The following BRCA1 variants were observed in gnomAD, a reference collection of about 807,000 sequenced individuals.
BRCA1 encodes the protein BRCA1 DNA repair associated, also known as breast cancer type 1 susceptibility protein.
Under a neutral mutation model 173.7 loss-of-function variants are expected in BRCA1, and 140 were observed. The observed-to-expected ratio is 0.81, with a 90% CI of 0.70 to 0.93. The LOEUF is 0.93. BRCA1 is among the 40% of genes least tolerant of loss of function. The pLI, the probability that BRCA1 is intolerant of heterozygous loss-of-function variation, is 0.00. For missense variants in BRCA1, 1,983 were observed against 2,172.5 expected (o/e 0.91, Z 1.73); for synonymous variants, 662 against 756.0 (o/e 0.88, Z 2.04).
At chr17:43,167,492 T>C (rs1206218656) in intron 1 of BRCA1, 1 of 152,112 alleles carries the variant, frequency 6.6e-6, no homozygotes, top group East Asian at 1.9e-4. Flanking sequence ...AGGAAAGGCA[T>C]TGTCACAGTG....
intron 10 of BRCA1, 131 bp from the exon 11 acceptor site, chr17:43,091,163 T>C (rs2053454879): frequency 3.0e-6 from 3 of 1,006,948 alleles, no homozygotes; most frequent in Admixed American, 4.0e-5. Context: ...ATTCCTTGCT[T>C]TGGGACACCT....
At chr17:43,059,060 TTGTCAGAAGACTCCCA>T (rs1458869859) in intron 18 of BRCA1, among the ~76,000 whole-genome samples, 1 of 152,170 alleles carries the variant, frequency 6.6e-6, no homozygotes, top group Non-Finnish European at 1.5e-5. Context: ...AGTGATAAAT[TTGTCAGAAGACTCCCA>T]TGTTCATAGT....
intron 6 of BRCA1, among the ~76,000 whole-genome samples, chr17:43,100,680 T>TATATATAACATATATATATATATATATA (rs2054419480): frequency 4.5e-4 from 5 of 11,068 alleles, no homozygotes; most frequent in Admixed American, 3.0e-3. Flanking sequence ...ATATATATAA[T>TATATATAACATATATATATATATATATA]ATATATATAT....
intron 22 of BRCA1, among the ~76,000 whole-genome samples, 159 bp downstream of exon 22, chr17:43,047,484 C>CAAATAACAAT (rs1358944646): frequency 6.6e-6 from 1 of 152,152 alleles, no homozygotes; most frequent in Non-Finnish European, 1.5e-5. Context: ...CAATATAAAA[C>CAAATAACAAT]AAATAACAAT....
rs1034688600 is a variant in BRCA1, at chr17:43,047,574, G to T, written c.5467+69C>A. On this transcript the variant is annotated intron_variant, in intron 22 of 22. Transcript: ENST00000357654. ...CAAGAACTGTGCTACTCAAGCACCAGGTAATGAGTGATAAACCAAACCCAT... is the reference window on the plus strand; with the variant it reads ...CAAGAACTGTGCTACTCAAGCACCATGTAATGAGTGATAAACCAAACCCAT... 14 of 1,478,640 alleles carry T rather than the reference G, an allele frequency of 9.5e-6. No individual in the cohort carries two copies. In the African/African-American group the frequency reaches 1.1e-4, roughly 12 times the overall value. 91.6% of individuals were successfully genotyped at this position (1,478,640 alleles called of 1,614,324 possible). A position where few individuals can be genotyped will look rare whatever the true frequency, so the allele number is the denominator to read the frequency against.
In BRCA1 at chr17:43,094,047, T is replaced by G. The variant is rs1567799498; in HGVS notation, c.1484A>C (p.Glu495Ala). 1 of 1,614,090 alleles carries G rather than the reference T, an allele frequency of 6.2e-7. No homozygotes were observed. Among genetic ancestry groups the G allele is most frequent in the East Asian group, 2.2e-5 (1 of 44,872 alleles). The change falls in exon 10 of 23, where the codon GAG becomes GCG. Residue 495 changes from glutamate (E) to alanine (A), a missense_variant. Physicochemically the swap from Glu to Ala is moderately radical, Grantham distance 107 (BLOSUM62 -1). Transcript: ENST00000357654. ...AFVTEPQIIQ[E>A]RPLTNKLKRK... is the part of the protein sequence containing the mutation. ...CTTTAATTTATTTGTGAGGGGACGC[T>G]CTTGTATTATCTGTGGCTCAGTAAC... is the stretch of plus-strand genomic sequence containing the variant.
Position 43,093,445 on chromosome 17 carries a change from T to C in BRCA1, c.2086A>G (p.Thr696Ala), listed in dbSNP as rs80357441. The C allele has an allele frequency of 6.2e-7, 1 of 1,614,090 alleles. No homozygotes were observed. The highest frequency in any genetic ancestry group is 1.1e-5 in the South Asian group (1 of 91,082). The change falls in exon 10 of 23, where the codon ACT (threonine) becomes GCT (alanine). Residue 696 changes from threonine (T) to alanine (A), a missense_variant. Transcript: ENST00000357654. ...EQTSKRHDSD[T>A]FPELKLTNAP... ...TTTGTTAACTTCAGCTCTGGGAAAG[T>C]ATCGCTGTCATGTCTTTTACTTGTC...
chr17:43,129,882 A>G (rs1488892124), upstream of BRCA1, among the ~76,000 whole-genome samples: 1 of 152,206 alleles, frequency 6.6e-6, no homozygotes, highest in Non-Finnish European at 1.5e-5. Flanking sequence ...TGGTGAATTG[A>G]CAAAGATTCT....
At chr17:43,051,886 TG>T (rs1229192345) in intron 19 of BRCA1, among the ~76,000 whole-genome samples, 3 of 152,150 alleles carry the variant, frequency 2.0e-5, no homozygotes, top group African/African-American at 7.2e-5. Flanking sequence ...CTGCCTGTCT[TG>T]GCCTTCCAAA....
intron 10 of BRCA1, 135 bp from the exon 11 acceptor site, chr17:43,091,167 G>C: frequency 1.0e-6 from 1 of 995,384 alleles, no homozygotes; most frequent in Admixed American, 2.0e-5. Context: ...CTTGCTTTGG[G>C]ACACCTGGAT....
intron 7 of BRCA1, among the ~76,000 whole-genome samples, chr17:43,098,003 C>G (rs781492293): frequency 1.2e-4 from 18 of 150,850 alleles, no homozygotes; most frequent in Non-Finnish European, 2.4e-4. Context: ...ATTTGAGAGC[C>G]CAGTTTGAAT....
intron 2 of BRCA1, 44 bp from the exon 3 acceptor site, chr17:43,115,823 A>G (rs1369514666): frequency 1.3e-6 from 2 of 1,556,786 alleles, no homozygotes. Flanking sequence ...ATGAGGCTCA[A>G]TAATTTATTT....
chr17:43,136,221 T>C (rs1273378016), intron 1 of BRCA1, among the ~76,000 whole-genome samples: 1 of 152,218 alleles, frequency 6.6e-6, no homozygotes, highest in Non-Finnish European at 1.5e-5. Context: ...TTGGGAAAAC[T>C]GGCTAGCCAT....
At chr17:43,061,868 A>G (rs2051775390) in intron 18 of BRCA1, among the ~76,000 whole-genome samples, 1 of 152,138 alleles carries the variant, frequency 6.6e-6, no homozygotes, top group South Asian at 2.1e-4. Context: ...TATAGGCATG[A>G]GCCACCACGC....
chr17:43,074,473 G>A lies in BRCA1; in HGVS notation c.4533C>T (p.His1511=), dbSNP rs1567778195. 6.2e-7 allele frequency: 1 copy of A among 1,614,118 alleles called. No homozygotes were observed. Among genetic ancestry groups the A allele is most frequent in the Non-Finnish European group, 8.5e-7 (1 of 1,179,986 alleles). Residue 1511 remains histidine (H), a synonymous_variant, in exon 14 of 23, where the codon CAC becomes CAT. Coordinates refer to ENST00000357654, the MANE Select transcript of BRCA1 (RefSeq NM_007294.4). ...TATTCTGAAGACTCCCAGAGCAACTGTGCATGTACCACCTATCATCTAATG... is the reference window on the plus strand; with the variant it reads ...TATTCTGAAGACTCCCAGAGCAACTATGCATGTACCACCTATCATCTAATG... ...CPSLDDRWYM[H]SCSGSLQNRN...
chr17:43,164,193 AATGT>A (rs1389896637), intron 1 of BRCA1: 3 of 152,220 alleles, frequency 2.0e-5, no homozygotes, highest in Non-Finnish European at 4.4e-5. Context: ...TAGTAAAACG[AATGT>A]ATGGTTTTAG....
chr17:43,076,670 A>G (rs1344382323), intron 12 of BRCA1, 56 bp from the exon 13 acceptor site: 5 of 1,596,868 alleles, frequency 3.1e-6, no homozygotes, highest in Non-Finnish European at 4.3e-6. Context: ...GATAGTGATA[A>G]TTCAGGTTAG....
At chr17:43,051,796 C>A (rs2051253186) in intron 19 of BRCA1, among the ~76,000 whole-genome samples, 1 of 151,958 alleles carries the variant, frequency 6.6e-6, no homozygotes, top group Non-Finnish European at 1.5e-5. Context: ...ACCACCACGC[C>A]CGGCTAATTT....
At chr17:43,168,175 TG>T in intron 1 of BRCA1, 1 of 399,626 alleles carries the variant, frequency 2.5e-6, no homozygotes, top group South Asian at 1.9e-5. Context: ...CTTACCAGAT[TG>T]GACACTGTAA....
Sources: allele counts gnomAD v4.1 joint callset (sites outside exome capture counted in the v4.1 genomes callset), GRCh38; gene constraint gnomAD v4.1.1; transcripts MANE v1.5; gene names NCBI Gene and HGNC (gene_info 2026-07-23, HGNC 2026-07-21).